SNX29: variants seen among roughly 807,000 people sequenced by gnomAD.
SNX29 encodes sorting nexin 29.
A neutral mutation model predicts 102.1 loss-of-function variants in SNX29; 78 were observed. The observed-to-expected ratio is 0.76, with a 90% confidence interval of 0.64 to 0.92. The LOEUF (loss-of-function observed/expected upper bound fraction) is 0.92, where lower values mean the gene tolerates loss of function less well. Among genes scored for constraint, SNX29 ranks in the 40% least tolerant of loss-of-function variants. The probability of loss-of-function intolerance (pLI) is 0.00; values close to 1 mark genes in which losing one functional copy is unlikely to be tolerated. For missense variants in SNX29, 1,280 were observed against 1,061.7 expected (o/e 1.21, Z -2.86); for synonymous variants, 580 against 414.5 (o/e 1.40, Z -4.85).
rs975697726 is a variant in SNX29 at position 12,572,914 on chromosome 16, C to G, written c.*4285C>G. On this transcript the variant is annotated 3_prime_UTR_variant, in exon 21 of 21. Coordinates refer to ENST00000566228, the MANE Select transcript of SNX29 (RefSeq NM_032167.5). ...GCATTTCGCTCGGAATCACGGCAGA[C>G]TTGGAGTGTTTCTTCAAGGCAGGCA... is the stretch of plus-strand genomic sequence containing the variant. 4.0e-6 allele frequency: 4 copies of G among 988,426 alleles called. No homozygotes were observed. The highest frequency in any genetic ancestry group is 1.7e-5 in the African/African-American group (1 of 59,274). 61.2% of individuals were successfully genotyped at this position (988,426 alleles called of 1,614,324 possible).
At chr16:12,516,889 A>C (rs2089890684) in intron 19 of SNX29, among the ~76,000 whole-genome samples, 1 of 152,228 alleles carries the variant, frequency 6.6e-6, no homozygotes, top group South Asian at 2.1e-4. Context: ...CATTGCTTCC[A>C]GGAGCCTCGT....
At chr16:12,351,061 C>G (rs2081979016) in intron 15 of SNX29, among the ~76,000 whole-genome samples, 1 of 152,244 alleles carries the variant, frequency 6.6e-6, no homozygotes, top group Non-Finnish European at 1.5e-5. Context: ...CAAATCCCCA[C>G]TCTGTCACTT....
rs2052873274 is a variant in SNX29, at chr16:12,098,622, TCTC to T, written c.1402+19714_1402+19716del. On this transcript the variant is annotated intron_variant, in intron 11 of 20. Coordinates refer to ENST00000566228, the MANE Select transcript of SNX29 (RefSeq NM_032167.5). The surrounding 1 kb of genome is among the most constrained non-coding windows in gnomAD (Gnocchi z 6.0). ...TTCCGTCTGCCGGGACACCCTCCCC[TCTC>T]CTCCTCTTTTGCCTGGGTCGTGCTT... Among the ~76,000 whole-genome samples, 1 of 152,168 alleles carries T rather than the reference TCTC, an allele frequency of 6.6e-6. No homozygotes were observed. Among genetic ancestry groups the T allele is most frequent in the East Asian group, 1.9e-4 (1 of 5,188 alleles).
chr16:12,476,421 T>TATAC (rs1567603438), intron 18 of SNX29, among the ~76,000 whole-genome samples: 3 of 51,980 alleles, frequency 5.8e-5, no homozygotes, highest in Non-Finnish European at 1.1e-4. Flanking sequence ...TACATATATA[T>TATAC]ATATATATAT....
chr16:12,374,572 G>A (rs1309370103), intron 16 of SNX29: 1 of 152,214 alleles, frequency 6.6e-6, no homozygotes, highest in Non-Finnish European at 1.5e-5. Flanking sequence ...TTTTCCTTTT[G>A]GCCATGCTGG....
At chr16:12,400,714 T>C (rs2083905546) in intron 17 of SNX29, among the ~76,000 whole-genome samples, 2 of 152,198 alleles carry the variant, frequency 1.3e-5, no homozygotes, top group African/African-American at 2.4e-5. Flanking sequence ...TTGGCATATA[T>C]ACACCTGACA....
At chr16:12,534,048 T>G (rs1016857013) in intron 20 of SNX29, among the ~76,000 whole-genome samples, 2 of 152,220 alleles carry the variant, frequency 1.3e-5, no homozygotes, top group Admixed American at 6.5e-5. Context: ...CTGTTTAACA[T>G]GTGAAGCAGT....
intron 14 of SNX29, among the ~76,000 whole-genome samples, chr16:12,233,447 A>AAGGG (rs2077831102): frequency 6.6e-6 from 1 of 152,176 alleles, no homozygotes; most frequent in Non-Finnish European, 1.5e-5. Context: ...GAAGGGGAGG[A>AAGGG]AGGGAGGAGC....
At chr16:12,193,425 C>T (rs79069527) in intron 13 of SNX29, among the ~76,000 whole-genome samples, 3 of 149,332 alleles carry the variant, frequency 2.0e-5, no homozygotes, top group South Asian at 4.2e-4. Flanking sequence ...GCCGAGATCG[C>T]ACCACTGCAC....
At chr16:12,270,787 A>G (rs1232571041) in intron 14 of SNX29, among the ~76,000 whole-genome samples, 2 of 152,020 alleles carry the variant, frequency 1.3e-5, no homozygotes, top group South Asian at 2.1e-4. Flanking sequence ...CATGTCAGTA[A>G]TCCCAGCACT....
chr16:12,046,459 G>A lies in SNX29; in HGVS notation c.499+5G>A, dbSNP rs796349857. 2.5e-6 allele frequency: 4 copies of A among 1,613,784 alleles called. No individual in the cohort carries two copies. Among genetic ancestry groups the A allele is most frequent in the South Asian group, 1.1e-5 (1 of 91,072 alleles). On this transcript the variant is annotated splice_donor_5th_base_variant and intron_variant, in intron 6 of 20. Coordinates refer to ENST00000566228, the MANE Select transcript of SNX29 (RefSeq NM_032167.5). ...TGCTTCCTACCATGGCAGCAGGTAA[G>A]CCTGGCCCAGACCAGGGTGCAGGGC...
At chr16:12,278,113 A>G (rs1162695090) in intron 15 of SNX29, 77 bp downstream of exon 15, 13 of 1,322,392 alleles carry the variant, frequency 9.8e-6, no homozygotes, top group Middle Eastern at 1.8e-4. Context: ...GGTCCAGCCT[A>G]TTCTAAAGAC....
intron 11 of SNX29, among the ~76,000 whole-genome samples, chr16:12,084,575 C>T (rs2052068990): frequency 6.6e-6 from 1 of 152,150 alleles, no homozygotes; most frequent in African/African-American, 2.4e-5. Context: ...GCCTGTTGCT[C>T]TCGGGAGGCC....
At chr16:11,982,913 TAAAA>T (rs869138613) in intron 1 of SNX29, among the ~76,000 whole-genome samples, 1 of 152,144 alleles carries the variant, frequency 6.6e-6, no homozygotes, top group Admixed American at 6.6e-5. Context: ...AGCTTTTTAT[TAAAA>T]AAAATTTTTT....
At chr16:12,252,467 A>C (rs1054731354) in intron 14 of SNX29, among the ~76,000 whole-genome samples, 1 of 152,136 alleles carries the variant, frequency 6.6e-6, no homozygotes, top group African/African-American at 2.4e-5. Flanking sequence ...GGGAACACAC[A>C]TGCTTCCTTG....
In SNX29 at chr16:12,497,386, C is replaced by T. The variant is rs184739577; in HGVS notation, c.2178+19527C>T. The stretch of plus-strand genomic sequence containing the variant: ...AGAGTTCACAGTCTCATAGGGCCTC[C>T]GAGTCAGTGCTATGGAGGAGGTTAA... On this transcript the variant is annotated intron_variant, in intron 19 of 20. Coordinates refer to ENST00000566228, the MANE Select transcript of SNX29 (RefSeq NM_032167.5). Among the ~76,000 whole-genome samples the T allele has an allele frequency of 1.4e-3, 215 of 152,256 alleles. 1 individual carries two copies. Among genetic ancestry groups the T allele is most frequent in the African/African-American group, 3.8e-3 (158 of 41,546 alleles).
intron 15 of SNX29, among the ~76,000 whole-genome samples, chr16:12,317,598 A>G (rs1037441074): frequency 2.0e-5 from 3 of 152,162 alleles, no homozygotes; most frequent in African/African-American, 7.2e-5. Flanking sequence ...CTGCCACCTA[A>G]CACTCTCACT....
intron 3 of SNX29, among the ~76,000 whole-genome samples, chr16:12,025,939 G>A (rs1470626013): frequency 6.6e-6 from 1 of 152,184 alleles, no homozygotes; most frequent in Non-Finnish European, 1.5e-5. Context: ...GTCAGCCTCA[G>A]CTTCTTCAAG....
intron 18 of SNX29, among the ~76,000 whole-genome samples, chr16:12,433,269 T>C (rs1353709718): frequency 6.6e-6 from 1 of 152,156 alleles, no homozygotes; most frequent in African/African-American, 2.4e-5. Context: ...TAACGAGCCT[T>C]CTTCCTCTGC....
Sources: gnomAD v4.1 joint callset for allele counts (sites outside exome capture counted in the v4.1 genomes callset) on GRCh38, gnomAD v4.1.1 for gene constraint, Gnocchi (gnomAD v3.1) non-coding constraint, MANE v1.5 for transcripts, NCBI Gene and HGNC (gene_info 2026-07-23, HGNC 2026-07-21) for gene names.